The following NTRK2 variants were observed in gnomAD, a reference collection of about 807,000 sequenced individuals.
The protein encoded by NTRK2 is BDNF/NT-3 growth factors receptor.
In NTRK2, 13 loss-of-function variants were observed where a neutral mutation model predicts 94.5. The ratio of observed to expected loss-of-function variants is 0.14; its 90% confidence interval spans 0.09 to 0.22. The LOEUF (loss-of-function observed/expected upper bound fraction) is 0.22, where lower values mean the gene tolerates loss of function less well. Ranked by LOEUF, NTRK2 falls within the 10% of genes least tolerant of loss-of-function variation. NTRK2 has a pLI of 1.00. For synonymous variants in NTRK2, 372 were observed against 407.4 expected (o/e 0.91, Z 1.05); for missense variants, 639 against 1,071.2 (o/e 0.60, Z 5.63).
At chr9:84,740,254 T>A (rs1233475461) in intron 9 of NTRK2, among the ~76,000 whole-genome samples, 3 of 152,216 alleles carry the variant, frequency 2.0e-5, no homozygotes, top group Non-Finnish European at 4.4e-5. Context: ...CCACTGGGAC[T>A]TCTTGCTGCT....
intron 14 of NTRK2, among the ~76,000 whole-genome samples, chr9:84,901,897 A>G (rs2076940817): frequency 6.6e-6 from 1 of 152,090 alleles, no homozygotes; most frequent in Non-Finnish European, 1.5e-5. Flanking sequence ...TAGTAGTTGA[A>G]TGTGAAGACT....
At chr9:84,726,038 G>A (rs890564102) in intron 8 of NTRK2, among the ~76,000 whole-genome samples, 1 of 152,076 alleles carries the variant, frequency 6.6e-6, no homozygotes. Flanking sequence ...TACAAGTAAG[G>A]GGGTAATATC....
Position 85,022,684 on chromosome 9 carries a change from G to C in NTRK2, c.*1247G>C, listed in dbSNP as rs192540186. ...TGCAGACACTACTGCTCCAGACGTC[G>C]TTTCCCTGATAGGTAGAGCAGATCC... On this transcript the variant is annotated 3_prime_UTR_variant, in exon 19 of 19. Transcript: ENST00000277120. 1 of 233,170 alleles carries C rather than the reference G, an allele frequency of 4.3e-6. No individual in the cohort carries two copies. Among genetic ancestry groups the C allele is most frequent in the East Asian group, 6.0e-5 (1 of 16,580 alleles). 14.4% of individuals were successfully genotyped at this position (233,170 alleles called of 1,614,324 possible). A position where few individuals can be genotyped will look rare whatever the true frequency, so the allele number is the denominator to read the frequency against.
intron 2 of NTRK2, among the ~76,000 whole-genome samples, chr9:84,682,966 G>T (rs1489087211): frequency 1.3e-5 from 2 of 152,108 alleles, no homozygotes; most frequent in African/African-American, 4.8e-5. Context: ...CCTTCTACTT[G>T]TGTCCTCACA....
chr9:84,687,213 T>G (rs2059772787), intron 2 of NTRK2, among the ~76,000 whole-genome samples: 2 of 152,074 alleles, frequency 1.3e-5, no homozygotes, highest in South Asian at 4.2e-4. Flanking sequence ...CTGTGCCTGG[T>G]TTTGGAATGG....
chr9:84,756,979 G>T lies in NTRK2; in HGVS notation c.1396+4894G>T, dbSNP rs368299833. On this transcript the variant is annotated intron_variant, in intron 12 of 18. Coordinates refer to ENST00000277120, the MANE Select transcript of NTRK2 (RefSeq NM_006180.6). ...ACATAGCGGGGCCAAAGCTAAAGAG[G>T]TTGAAGGTTAAAGCCTTTTATATGA... Among the ~76,000 whole-genome samples the T allele has an allele frequency of 2.0e-5, 3 of 152,206 alleles. No homozygotes were observed. The East Asian group carries it at 5.8e-4, about 29-fold the overall frequency.
At chr9:84,861,197 T>C in intron 13 of NTRK2, 110 bp downstream of exon 13, 1 of 875,222 alleles carries the variant, frequency 1.1e-6, no homozygotes, top group Non-Finnish European at 1.8e-6. Flanking sequence ...TCATTTTCTG[T>C]GTTCCTGGTT....
At chr9:84,959,580 T>G (rs1824635838) in intron 17 of NTRK2, among the ~76,000 whole-genome samples, 1 of 152,224 alleles carries the variant, frequency 6.6e-6, no homozygotes, top group Admixed American at 6.5e-5. Context: ...CTGTTGCAGC[T>G]GAGCTAATTA....
chr9:84,854,083 A>G (rs1483608176), intron 12 of NTRK2, among the ~76,000 whole-genome samples: 1 of 151,684 alleles, frequency 6.6e-6, no homozygotes, highest in African/African-American at 2.4e-5. Context: ...AAAAAAAAAA[A>G]AGAAAAGAAA....
At chr9:84,852,042 C>T (rs1256735585) in intron 12 of NTRK2, among the ~76,000 whole-genome samples, 1 of 152,180 alleles carries the variant, frequency 6.6e-6, no homozygotes, top group East Asian at 1.9e-4. Flanking sequence ...ACGCTGGGCT[C>T]ACTTGGTGAC....
chr9:84,695,140 G>T (rs117104508), intron 2 of NTRK2, among the ~76,000 whole-genome samples: 2 of 151,852 alleles, frequency 1.3e-5, no homozygotes, highest in African/African-American at 4.8e-5. Context: ...TATAAGGAGG[G>T]AGGATGGGGT....
At chr9:84,744,951 A>G (rs1039784700) in intron 10 of NTRK2, 22 bp from the exon 11 acceptor site, 1 of 1,552,576 alleles carries the variant, frequency 6.4e-7, no homozygotes, top group Non-Finnish European at 8.9e-7. Context: ...GTTCTTCCTC[A>G]TTCCCCCTTT....
chr9:84,931,969 C>T (rs975970123), intron 14 of NTRK2, among the ~76,000 whole-genome samples: 3 of 152,150 alleles, frequency 2.0e-5, no homozygotes, highest in South Asian at 2.1e-4. Flanking sequence ...AATTAATATA[C>T]GTTCTTATAT....
intron 16 of NTRK2, among the ~76,000 whole-genome samples, chr9:84,954,235 G>A (rs964459933): frequency 6.6e-6 from 1 of 152,176 alleles, no homozygotes; most frequent in Non-Finnish European, 1.5e-5. Context: ...AGCAAACCCC[G>A]CCTTTATTCC....
At chr9:84,671,132 CTAGTG>C (rs1272533941) in intron 2 of NTRK2, among the ~76,000 whole-genome samples, 172 bp downstream of exon 2, 1 of 152,192 alleles carries the variant, frequency 6.6e-6, no homozygotes, top group African/African-American at 2.4e-5. Flanking sequence ...CTTGGGACTG[CTAGTG>C]CAGGGAGAAG....
intron 12 of NTRK2, among the ~76,000 whole-genome samples, chr9:84,767,366 C>G (rs2066136858): frequency 6.6e-6 from 1 of 152,118 alleles, no homozygotes; most frequent in Non-Finnish European, 1.5e-5. Context: ...TTCCTTTTGG[C>G]TGAAAAGATA....
At chr9:84,957,924 G>T (rs1824360202) in intron 17 of NTRK2, among the ~76,000 whole-genome samples, 1 of 151,662 alleles carries the variant, frequency 6.6e-6, no homozygotes, top group Non-Finnish European at 1.5e-5. Context: ...AAAGAATAAA[G>T]TACTGATTCA....
chr9:84,835,557 C>G (rs934642806), intron 12 of NTRK2, among the ~76,000 whole-genome samples: 1 of 151,752 alleles, frequency 6.6e-6, no homozygotes, highest in South Asian at 2.1e-4. Context: ...ACAACAACAA[C>G]AAAAATGCAC....
Position 85,020,418 on chromosome 9 carries a change from C to T in NTRK2, c.2331+54C>T, listed in dbSNP as rs961764237. On this transcript the variant is annotated intron_variant, in intron 18 of 18. Transcript: ENST00000277120. ...CAGAGGGCTGAGATCCCAGAGGCAT[C>T]CATTGGCTGGGGCCTTGTTTTGGGT... 11 of 1,593,178 alleles carry T rather than the reference C, an allele frequency of 6.9e-6. No homozygotes were observed. The African/African-American group carries it at 1.3e-4, about 19-fold the overall frequency.
Sources: gnomAD v4.1 joint callset for allele counts (sites outside exome capture counted in the v4.1 genomes callset) on GRCh38, gnomAD v4.1.1 for gene constraint, MANE v1.5 for transcripts, NCBI Gene and HGNC (gene_info 2026-07-23, HGNC 2026-07-21) for gene names.